The following BAAT variants were observed in gnomAD, a reference collection of about 807,000 sequenced individuals.
The protein encoded by BAAT is bile acid-CoA:amino acid N-acyltransferase.
A neutral mutation model predicts 18.9 loss-of-function variants in BAAT; 13 were observed. That is an observed-to-expected ratio of 0.69 (90% CI 0.45 to 1.10). The LOEUF (loss-of-function observed/expected upper bound fraction) is 1.10. Among genes scored for constraint, BAAT ranks in the 50% least tolerant of loss-of-function variants. BAAT has a pLI of 0.00. For missense variants in BAAT, 489 were observed against 504.0 expected, an observed-to-expected ratio of 0.97 and a Z score of 0.28; for synonymous variants, 170 against 190.7, an observed-to-expected ratio of 0.89 and a Z score of 0.89.
intron 3 of BAAT, among the ~76,000 whole-genome samples, chr9:101,363,644 G>GA (rs78881889): frequency 4.3e-4 from 63 of 145,410 alleles, no homozygotes; most frequent in South Asian, 1.5e-3. Flanking sequence ...GACACAGGAG[G>GA]AAAAAAAAAA....
chr9:101,383,851 C>A (rs531192797), intron 1 of BAAT, among the ~76,000 whole-genome samples: 1 of 152,290 alleles, frequency 6.6e-6, no homozygotes, highest in African/African-American at 2.4e-5. Flanking sequence ...GAGGGCTCTG[C>A]ATTTGCAAAT....
chr9:101,370,712 T>C (rs1438469799), intron 2 of BAAT, among the ~76,000 whole-genome samples: 1 of 152,132 alleles, frequency 6.6e-6, no homozygotes, highest in African/African-American at 2.4e-5. Flanking sequence ...TATTACCACA[T>C]TCTTGTTCAG....
At chr9:101,370,320 C>CTTTTTTTTT (rs749077224) in intron 2 of BAAT, among the ~76,000 whole-genome samples, 23 of 103,674 alleles carry the variant, frequency 2.2e-4, no homozygotes, top group East Asian at 5.1e-4. Context: ...ATGCATTATC[C>CTTTTTTTTT]TTTTTTTTTT....
chr9:101,364,845 C>T (rs1341763), intron 3 of BAAT, among the ~76,000 whole-genome samples: 95,967 of 152,004 alleles, frequency 0.63, 30,918 homozygotes, highest in Non-Finnish European at 0.69. Flanking sequence ...TCATAGGAAG[C>T]TTTGTCTAAC....
chr9:101,362,332 T>A lies in BAAT; in HGVS notation c.*96A>T. ...ATCATTAAAATTAATACAAAATGTG[T>A]GTGTGGCAGCTGGGGGAGACATTCC... On this transcript the variant is annotated 3_prime_UTR_variant, in exon 4 of 4. Coordinates refer to ENST00000259407, the MANE Select transcript of BAAT (RefSeq NM_001701.4). The A allele has an allele frequency of 8.1e-7, 1 of 1,232,232 alleles. No homozygotes were observed. Among genetic ancestry groups the A allele is most frequent in the South Asian group, 1.3e-5 (1 of 78,368 alleles). 76.3% of individuals were successfully genotyped at this position (1,232,232 alleles called of 1,614,324 possible).
intron 3 of BAAT, among the ~76,000 whole-genome samples, chr9:101,364,713 T>C (rs1829798524): frequency 6.6e-6 from 1 of 152,216 alleles, no homozygotes; most frequent in African/African-American, 2.4e-5. Flanking sequence ...ACCAACTTTA[T>C]GGTGCATAGC....
Position 101,362,363 on chromosome 9 carries a change from G to T in BAAT, c.*65C>A. The T allele has an allele frequency of 7.2e-6, 11 of 1,524,918 alleles. No homozygotes were observed. The highest frequency in any genetic ancestry group is 9.9e-6 in the Non-Finnish European group (11 of 1,107,726). 94.5% of individuals were successfully genotyped at this position (1,524,918 alleles called of 1,614,324 possible). On this transcript the variant is annotated 3_prime_UTR_variant, in exon 4 of 4. Coordinates refer to ENST00000259407, the MANE Select transcript of BAAT (RefSeq NM_001701.4). ...GCAGCTGGGGGAGACATTCCGCCAT[G>T]AAAATTGAGAGAAGGTCCCGGTAAA...
chr9:101,362,309 C>A lies in BAAT; in HGVS notation c.*119G>T, dbSNP rs981895874. 5.4e-6 allele frequency: 6 copies of A among 1,105,486 alleles called. No individual in the cohort carries two copies. The South Asian group carries it at 5.6e-5, about 10-fold the overall frequency. The allele number at this position is 1,105,486 out of a possible 1,614,324, so 68.5% of individuals were successfully genotyped here. ...GTTTTTACCCTATGCTCTTTTTAAT[C>A]ATTAAAATTAATACAAAATGTGTGT... On this transcript the variant is annotated 3_prime_UTR_variant, in exon 4 of 4. Coordinates refer to ENST00000259407, the MANE Select transcript of BAAT (RefSeq NM_001701.4).
intron 1 of BAAT, among the ~76,000 whole-genome samples, chr9:101,378,814 G>A (rs1830087629): frequency 6.6e-6 from 1 of 152,032 alleles, no homozygotes; most frequent in Non-Finnish European, 1.5e-5. Context: ...GAAAGAAAAT[G>A]TTTGCAGTCT....
Position 101,370,951 on chromosome 9 carries a change from A to G in BAAT, c.454T>C (p.Phe152Leu). The change falls in exon 2 of 4, where the codon TTT becomes CTT. Residue 152 changes from phenylalanine (F) to leucine (L), a missense_variant. Physicochemically the swap from Phe to Leu is conservative, Grantham distance 22 (BLOSUM62 0). Transcript: ENST00000259407. Reference sequence around the variant, plus strand: ...TAATTCTACTCACCTGGAGGGAGAAAGAGAGCTCCTCGAAGGCGGCCTTCT... The same window carrying G: ...TAATTCTACTCACCTGGAGGGAGAAGGAGAGCTCCTCGAAGGCGGCCTTCT... ...VREGRLRGAL[F>L]LPPGEGLFPG... 6.2e-7 allele frequency: 1 copy of G among 1,614,126 alleles called. No individual in the cohort carries two copies. Among genetic ancestry groups the G allele is most frequent in the Non-Finnish European group, 8.5e-7 (1 of 1,179,996 alleles).
At chr9:101,370,862 C>T in intron 2 of BAAT, 77 bp downstream of exon 2, 1 of 1,468,132 alleles carries the variant, frequency 6.8e-7, no homozygotes, top group Non-Finnish European at 9.5e-7. Context: ...ACAAGCTATT[C>T]AAGCTAAATT....
At chr9:101,365,071 T>C (rs982751630) in intron 3 of BAAT, among the ~76,000 whole-genome samples, 15 of 152,204 alleles carry the variant, frequency 9.9e-5, no homozygotes, top group African/African-American at 2.7e-4. Context: ...TTTTTGAGTA[T>C]TGAGTGTATT....
chr9:101,363,304 C>T (rs1194574639), intron 3 of BAAT, among the ~76,000 whole-genome samples: 3 of 152,168 alleles, frequency 2.0e-5, no homozygotes, highest in Non-Finnish European at 4.4e-5. Flanking sequence ...AGAAATGGCA[C>T]ATGACTATTG....
chr9:101,369,539 G>A (rs1187913100), intron 2 of BAAT, among the ~76,000 whole-genome samples: 1 of 152,138 alleles, frequency 6.6e-6, no homozygotes, highest in Non-Finnish European at 1.5e-5. Context: ...CCCAGCACAT[G>A]CAGTGTTCAA....
Position 101,368,316 on chromosome 9 carries a change from C to T in BAAT, c.473G>A (p.Gly158Asp), listed in dbSNP as rs746409843. The T allele has an allele frequency of 6.2e-7, 1 of 1,611,816 alleles. No homozygotes were observed. The highest frequency in any genetic ancestry group is 8.5e-7 in the Non-Finnish European group (1 of 1,179,766). ...CAAATCAATTACCCCTGGGAAGAGA[C>T]CCTCTCCTGAAAAATAACAAAACAG... ...RGALFLPPGEGLFPGVIDLFG... is the reference protein window; with the variant it reads ...RGALFLPPGEDLFPGVIDLFG... The change falls in exon 3 of 4, where the codon GGT (glycine) becomes GAT (aspartate). Residue 158 changes from glycine to aspartate, a missense_variant. Transcript: ENST00000259407.
Position 101,362,962 on chromosome 9 carries a change from T to G in BAAT, c.723A>C (p.Gly241=). The G allele has an allele frequency of 6.2e-7, 1 of 1,613,952 alleles. No homozygotes were observed. Among genetic ancestry groups the G allele is most frequent in the Non-Finnish European group, 8.5e-7 (1 of 1,179,980 alleles). ...GCTTTAGGTAAATAGCCATAGATAG[T>G]CCAATCTGTACTCCTTGACATACAG... The part of the protein sequence containing the change: ...VVSVCQGVQI[G]LSMAIYLKQV... Residue 241 remains glycine (G), a synonymous_variant, in exon 4 of 4, where the codon GGA becomes GGC. Coordinates refer to ENST00000259407, the MANE Select transcript of BAAT (RefSeq NM_001701.4).
chr9:101,370,795 G>A (rs1829922059), intron 2 of BAAT, 144 bp downstream of exon 2: 2 of 912,698 alleles, frequency 2.2e-6, no homozygotes, highest in South Asian at 1.4e-5. Flanking sequence ...TTAAATTTCT[G>A]GAGGGATAAT....
chr9:101,382,880 T>A (rs879929828), intron 1 of BAAT, among the ~76,000 whole-genome samples: 3 of 152,230 alleles, frequency 2.0e-5, no homozygotes, highest in Non-Finnish European at 2.9e-5. Context: ...TACTTGCTTT[T>A]TTTGGTATTT....
chr9:101,370,367 C>T (rs899153683), intron 2 of BAAT, among the ~76,000 whole-genome samples: 2 of 125,366 alleles, frequency 1.6e-5, no homozygotes, highest in African/African-American at 3.2e-5. Flanking sequence ...GGCTGGAGTG[C>T]AGTATCAGGA....
Sources: gnomAD v4.1 joint callset for allele counts (sites outside exome capture counted in the v4.1 genomes callset) on GRCh38, gnomAD v4.1.1 for gene constraint, MANE v1.5 for transcripts, NCBI Gene and HGNC (gene_info 2026-07-23, HGNC 2026-07-21) for gene names.